NOTCH2NLC: variants seen among roughly 807,000 people sequenced by gnomAD.
NOTCH2NLC encodes the protein notch 2 N-terminal like C.
Under a neutral mutation model 17.7 loss-of-function variants are expected in NOTCH2NLC, and 4 were observed. The ratio of observed to expected loss-of-function variants is 0.23; its 90% CI spans 0.11 to 0.52. The LOEUF is 0.52. NOTCH2NLC is among the 20% of genes least tolerant of loss of function. The pLI is 0.96. For synonymous variants in NOTCH2NLC, 18 were observed against 86.0 expected (o/e 0.21, Z 4.38); for missense variants, 57 against 207.2 (o/e 0.28, Z 4.45).
chr1:149,467,201 T>C lies in NOTCH2NLC; in HGVS notation c.*3048T>C, dbSNP rs1368817388. ...TCTTCTCATTTTCTTCTTTGTATTG[T>C]GCGTCCTAGACTTAGTTTGGCCTCT... On this transcript the variant is annotated 3_prime_UTR_variant, in exon 5 of 5. Transcript: ENST00000650865. 1.6e-5 allele frequency: 1 copy of C among 63,022 alleles called. No individual in the cohort carries two copies. Among genetic ancestry groups the C allele is most frequent in the Non-Finnish European group, 3.0e-5 (1 of 33,460 alleles). 3.9% of individuals were successfully genotyped at this position (63,022 alleles called of 1,614,324 possible).
At chr1:149,460,862 T>TCTCC (rs1329914612) in intron 3 of NOTCH2NLC, among the ~76,000 whole-genome samples, 6 of 2,750 alleles carry the variant, frequency 2.2e-3, no homozygotes, top group Non-Finnish European at 3.5e-3. Flanking sequence ...TCCCTTTCTT[T>TCTCC]CTTTCTTTCT....
At chr1:149,413,788 T>G (rs1446271271) in intron 1 of NOTCH2NLC, among the ~76,000 whole-genome samples, 1 of 151,212 alleles carries the variant, frequency 6.6e-6, no homozygotes, top group Admixed American at 6.6e-5. Context: ...TACTTTTTCC[T>G]TAATATTAGT....
chr1:149,396,072 C>T, intron 1 of NOTCH2NLC, among the ~76,000 whole-genome samples: 1 of 150,804 alleles, frequency 6.6e-6, no homozygotes, highest in East Asian at 2.0e-4. Context: ...TGCTTTCCCA[C>T]CTTTAGAACA....
At chr1:149,427,101 G>A (rs1482643920) in intron 1 of NOTCH2NLC, among the ~76,000 whole-genome samples, 2 of 151,264 alleles carry the variant, frequency 1.3e-5, no homozygotes, top group Admixed American at 6.6e-5. Flanking sequence ...ACAATTAAAA[G>A]GTAGTTAGTA....
At position 149,466,276 on chromosome 1, in the gene NOTCH2NLC, G is replaced by GTATATATATATATATAT; in HGVS notation, c.*2123_*2124insTATATATATATATATAT. On this transcript the variant is annotated 3_prime_UTR_variant, in exon 5 of 5. Transcript: ENST00000650865. ...TGTGTGTGTGTGTGTGTGTGTGTGTGGTATATATATATATATCGCATTGTG... is the reference window on the plus strand; with the variant it reads ...TGTGTGTGTGTGTGTGTGTGTGTGTGTATATATATATATATATGTATATATATATATATCGCATTGTG... 1 of 129,234 alleles carries GTATATATATATATATAT rather than the reference G, an allele frequency of 7.7e-6. No individual in the cohort carries two copies. The highest frequency in any genetic ancestry group is 7.5e-5 in the Admixed American group (1 of 13,292). The allele number at this position is 129,234 out of a possible 1,614,324, so 8.0% of individuals were successfully genotyped here.
At chr1:149,409,378 G>T (rs1465294440) in intron 1 of NOTCH2NLC, among the ~76,000 whole-genome samples, 1 of 150,526 alleles carries the variant, frequency 6.6e-6, no homozygotes, top group Non-Finnish European at 1.5e-5. Flanking sequence ...CCTTGGAATT[G>T]TTTTTTCAAA....
At chr1:149,428,772 A>G (rs1317288617) in intron 1 of NOTCH2NLC, among the ~76,000 whole-genome samples, 3 of 149,096 alleles carry the variant, frequency 2.0e-5, no homozygotes, top group South Asian at 2.1e-4. Context: ...TACAGACAGG[A>G]TTTCAGGTCT....
rs1239605254 is a variant in NOTCH2NLC at position 149,415,148 on chromosome 1, T to C, written c.136-15794T>C. Among the ~76,000 whole-genome samples the C allele has an allele frequency of 4.2e-4, 50 of 120,328 alleles. 2 individuals are homozygous for C. The highest frequency in any genetic ancestry group is 8.3e-4 in the Non-Finnish European group (48 of 58,174). 78.9% of individuals were successfully genotyped at this position (120,328 alleles called of 152,430 possible). On this transcript the variant is annotated intron_variant, in intron 1 of 4. Coordinates refer to ENST00000650865, the MANE Select transcript of NOTCH2NLC (RefSeq NM_001364013.2). ...TTTTTTTTTTTTTTTTTTGAAGTCT[T>C]TCCACCTTAACTAGCAAGTAAGCTA...
Position 149,446,552 on chromosome 1 carries a change from G to T in NOTCH2NLC, c.210-8766G>T, listed in dbSNP as rs1263924178. ...CCATGTTGCCCGTGTTGCCTAGGCA[G>T]GTCTCGAACTTCCGCTCTAGCAATC... On this transcript the variant is annotated intron_variant, in intron 2 of 4. Transcript: ENST00000650865. Among the ~76,000 whole-genome samples the T allele has an allele frequency of 6.0e-3, 910 of 150,808 alleles. 25 individuals are homozygous for T. Among genetic ancestry groups the T allele is most frequent in the African/African-American group, 0.021 (863 of 41,118 alleles).
Position 149,413,630 on chromosome 1 carries a change from TTC to T in NOTCH2NLC, c.136-17308_136-17307del, listed in dbSNP as rs2084311867. On this transcript the variant is annotated intron_variant, in intron 1 of 4. Coordinates refer to ENST00000650865, the MANE Select transcript of NOTCH2NLC (RefSeq NM_001364013.2). ...GCATCCTACCAGTGTGAGTTAACACTTCTCTGTACTCTCCCCGGTTCCTCATT... is the reference window on the plus strand; with the variant it reads ...GCATCCTACCAGTGTGAGTTAACACTTCTGTACTCTCCCCGGTTCCTCATT... Among the ~76,000 whole-genome samples the T allele has an allele frequency of 7.3e-5, 11 of 151,022 alleles. 1 individual carries two copies. Among genetic ancestry groups the T allele is most frequent in the African/African-American group, 2.2e-4 (9 of 41,158 alleles).
chr1:149,430,459 C>T (rs2084441666), intron 1 of NOTCH2NLC, among the ~76,000 whole-genome samples: 1 of 146,190 alleles, frequency 6.8e-6, no homozygotes, highest in South Asian at 2.3e-4. Context: ...TGTCGAATTA[C>T]TGTTATTGCT....
At chr1:149,420,091 C>T (rs1245954841) in intron 1 of NOTCH2NLC, among the ~76,000 whole-genome samples, 1 of 149,220 alleles carries the variant, frequency 6.7e-6, no homozygotes, top group African/African-American at 2.5e-5. Context: ...AGGATGGTGT[C>T]GATCTCCTGA....
chr1:149,439,978 G>A (rs1420654749), intron 2 of NOTCH2NLC, among the ~76,000 whole-genome samples: 2 of 149,116 alleles, frequency 1.3e-5, no homozygotes, highest in Non-Finnish European at 3.0e-5. Flanking sequence ...ACTAAGAAAG[G>A]CATTATTTAA....
At position 149,393,558 on chromosome 1, in the gene NOTCH2NLC, A is replaced by G. The variant is rs1473538098; in HGVS notation, c.135+2636A>G. 1.3e-5 allele frequency among the ~76,000 whole-genome samples: 2 copies of G among 148,506 alleles called. 1 individual carries two copies. The highest frequency in any genetic ancestry group is 4.4e-4 in the South Asian group (2 of 4,538). ...TAGCAGTATGTCTGATTGTCTAAAC[A>G]GCTATCCAGGACCATCCTCTTGCTC... On this transcript the variant is annotated intron_variant, in intron 1 of 4. Coordinates refer to ENST00000650865, the MANE Select transcript of NOTCH2NLC (RefSeq NM_001364013.2).
chr1:149,460,325 C>T (rs2084634908), intron 3 of NOTCH2NLC, among the ~76,000 whole-genome samples: 3 of 138,758 alleles, frequency 2.2e-5, no homozygotes, highest in South Asian at 2.3e-4. Context: ...CTGCAAGATT[C>T]TGATCACCTT....
chr1:149,471,268 A>G lies in NOTCH2NLC; in HGVS notation c.*7115A>G, dbSNP rs1335964286. Among the ~76,000 whole-genome samples, 7 of 151,034 alleles carry G rather than the reference A, an allele frequency of 4.6e-5. No homozygotes were observed. The highest frequency in any genetic ancestry group is 8.9e-5 in the Non-Finnish European group (6 of 67,566). ...ACTTGCAGATATTTTCTGTCATTCT[A>G]TGTACTGTCTTTTCACATTCTTGAT... On this transcript the variant is annotated 3_prime_UTR_variant, in exon 5 of 5. Transcript: ENST00000650865.
chr1:149,439,995 G>A (rs1371768028), intron 2 of NOTCH2NLC, among the ~76,000 whole-genome samples: 4 of 149,138 alleles, frequency 2.7e-5, no homozygotes, highest in Non-Finnish European at 4.5e-5. Flanking sequence ...TTAAGTGATG[G>A]GTGATATTAT....
chr1:149,460,888 TTTCTTTCTTTCTTTCTTTC>T (rs2084643893), intron 3 of NOTCH2NLC, among the ~76,000 whole-genome samples: 2 of 137,226 alleles, frequency 1.5e-5, no homozygotes, highest in Admixed American at 1.5e-4. Context: ...TCTTTCTTTC[TTTCTTTCTTTCTTTCTTTC>T]TTTCTTTCTC....
intron 1 of NOTCH2NLC, among the ~76,000 whole-genome samples, chr1:149,400,139 ATTTTTTTTTTAGTT>A: frequency 7.6e-6 from 1 of 131,960 alleles, no homozygotes; most frequent in African/African-American, 2.8e-5. Context: ...TATAATATAT[ATTTTTTTTTTAGTT>A]TATGAACAGA....
Sources: gnomAD v4.1 joint callset for allele counts (sites outside exome capture counted in the v4.1 genomes callset) on GRCh38, gnomAD v4.1.1 for gene constraint, MANE v1.5 for transcripts, NCBI Gene and HGNC (gene_info 2026-07-23, HGNC 2026-07-21) for gene names.